Variants in MSH4 observed in about 807,000 individuals in gnomAD.
MSH4 encodes mutS homolog 4, also known as mutS protein homolog 4.
In MSH4, 106 loss-of-function variants were observed where a neutral mutation model predicts 113.7. The observed-to-expected ratio is 0.93, with a 90% CI of 0.80 to 1.10. MSH4 has a LOEUF of 1.10. Among genes scored for constraint, MSH4 ranks in the 50% least tolerant of loss-of-function variants. MSH4 has a pLI of 0.00. For synonymous variants in MSH4, 368 were observed against 380.2 expected, an observed-to-expected ratio of 0.97 and a Z score of 0.37; for missense variants, 1,061 against 1,093.7, an observed-to-expected ratio of 0.97 and a Z score of 0.42.
chr1:75,848,738 C>CA (rs754917168), intron 8 of MSH4, among the ~76,000 whole-genome samples: 40 of 150,116 alleles, frequency 2.7e-4, no homozygotes, highest in Non-Finnish European at 4.1e-4. Flanking sequence ...GGCCTTGTCA[C>CA]AAAAAAAAAT....
intron 6 of MSH4, 108 bp downstream of exon 6, chr1:75,816,654 T>G: frequency 3.0e-5 from 12 of 393,794 alleles, no homozygotes; most frequent in Non-Finnish European, 3.4e-5. Flanking sequence ...GAGATGGAGT[T>G]TTGCTCTTGT....
intron 17 of MSH4, among the ~76,000 whole-genome samples, chr1:75,892,749 C>T (rs1025946224): frequency 5.9e-5 from 9 of 151,978 alleles, no homozygotes; most frequent in African/African-American, 2.2e-4. Flanking sequence ...TGGTGAGGGC[C>T]TGCCTGTCAC....
chr1:75,876,423 G>C (rs911290244), intron 9 of MSH4, among the ~76,000 whole-genome samples: 2 of 151,854 alleles, frequency 1.3e-5, no homozygotes, highest in East Asian at 1.9e-4. Flanking sequence ...GGAGATAATG[G>C]CCAGGCTAAA....
At chr1:75,826,170 A>T (rs886987154) in intron 7 of MSH4, among the ~76,000 whole-genome samples, 1 of 152,110 alleles carries the variant, frequency 6.6e-6, no homozygotes, top group African/African-American at 2.4e-5. Context: ...CACAGATTCA[A>T]CTTCTTCCTG....
intron 8 of MSH4, among the ~76,000 whole-genome samples, chr1:75,856,744 A>G (rs1299080654): frequency 2.0e-5 from 3 of 152,172 alleles, no homozygotes; most frequent in Non-Finnish European, 4.4e-5. Context: ...GCTGCAATAA[A>G]CATACATGTA....
chr1:75,820,087 A>C (rs1315841887), intron 6 of MSH4, among the ~76,000 whole-genome samples: 1 of 142,502 alleles, frequency 7.0e-6, no homozygotes, highest in Non-Finnish European at 1.6e-5. Flanking sequence ...ACTTGTCATC[A>C]GAACAAGATC....
chr1:75,901,502 T>C (rs1457664371), intron 19 of MSH4, among the ~76,000 whole-genome samples: 1 of 152,222 alleles, frequency 6.6e-6, no homozygotes, highest in Non-Finnish European at 1.5e-5. Context: ...CTTTCTTTTT[T>C]GGCTGAATAA....
At chr1:75,817,277 G>A (rs1053500044) in intron 6 of MSH4, among the ~76,000 whole-genome samples, 6 of 152,284 alleles carry the variant, frequency 3.9e-5, no homozygotes, top group Middle Eastern at 3.4e-3. Context: ...GTAAGTACCA[G>A]AAAAGATGCT....
Position 75,816,414 on chromosome 1 carries a change from T to G in MSH4, c.857T>G (p.Val286Gly), listed in dbSNP as rs1333086306. ...LAAVAALLKY[V>G]EFIQNSVYAP... ...GCTGTTGCAGCTTTGTTAAAATATG[T>G]TGAATTTATTCAAAATTCAGTTTAT... The change falls in exon 6 of 20, where the codon GTT (valine) becomes GGT (glycine). Residue 286 changes from valine to glycine, a missense_variant. By Grantham distance (109) the Val-to-Gly change is moderately radical. Coordinates refer to ENST00000263187, the MANE Select transcript of MSH4 (RefSeq NM_002440.4). 6.2e-7 allele frequency: 1 copy of G among 1,608,530 alleles called. No individual in the cohort carries two copies. Among genetic ancestry groups the G allele is most frequent in the Non-Finnish European group, 8.5e-7 (1 of 1,176,694 alleles).
At chr1:75,871,841 C>G (rs2100564905) in intron 9 of MSH4, among the ~76,000 whole-genome samples, 1 of 152,258 alleles carries the variant, frequency 6.6e-6, no homozygotes, top group South Asian at 2.1e-4. Flanking sequence ...TAGAGTAGAA[C>G]TGCAGTAATT....
At chr1:75,870,314 A>C (rs1251718342) in intron 9 of MSH4, among the ~76,000 whole-genome samples, 1 of 152,208 alleles carries the variant, frequency 6.6e-6, no homozygotes, top group Non-Finnish European at 1.5e-5. Context: ...GCCTTGTCTC[A>C]GATGAGATTT....
intron 8 of MSH4, among the ~76,000 whole-genome samples, chr1:75,856,046 G>T (rs1651308725): frequency 6.6e-6 from 1 of 152,034 alleles, no homozygotes; most frequent in African/African-American, 2.4e-5. Flanking sequence ...ACAATTTCTG[G>T]TTAAATTAGG....
intron 2 of MSH4, 136 bp from the exon 3 acceptor site, chr1:75,806,845 A>G: frequency 1.4e-6 from 1 of 696,550 alleles, no homozygotes; most frequent in Non-Finnish European, 2.2e-6. Flanking sequence ...CTTTAGGGAG[A>G]ATTGAAATAA....
Position 75,815,086 on chromosome 1 carries a change from A to G in MSH4, c.765A>G (p.Glu255=). ...AAACAAAAGGATTAGAGTACATTGA[A>G]CAGTTATGCATAGCAGAATTCAGCA... The part of the protein sequence containing the change: ...FNETKGLEYI[E]QLCIAEFSTV... The change falls in exon 5 of 20, where the codon GAA becomes GAG. Residue 255 remains glutamate (E), a synonymous_variant. Transcript: ENST00000263187. 1 of 1,607,862 alleles carries G rather than the reference A, an allele frequency of 6.2e-7. No individual in the cohort carries two copies. The highest frequency in any genetic ancestry group is 8.5e-7 in the Non-Finnish European group (1 of 1,176,772).
chr1:75,815,197 A>G, intron 5 of MSH4, 61 bp downstream of exon 5: 1 of 886,538 alleles, frequency 1.1e-6, no homozygotes, highest in South Asian at 1.9e-5. Context: ...ATATCAAGTA[A>G]GTTATAACTT....
In MSH4 at chr1:75,803,759, T is replaced by C. The variant is rs770480037; in HGVS notation, c.273T>C (p.Tyr91=). The C allele has an allele frequency of 1.3e-6, 2 of 1,589,300 alleles. No homozygotes were observed. The highest frequency in any genetic ancestry group is 2.7e-5 in the African/African-American group (2 of 73,458). ...CATACTTTGGAAACAAAAGAGCTTA[T>C]GCAGAAAACACAGTTGCATCAAATT... The part of the protein sequence containing the change: ...QGSYFGNKRA[Y]AENTVASNFT... Residue 91 remains tyrosine, a synonymous_variant, in exon 2 of 20, where the codon TAT becomes TAC. Transcript: ENST00000263187.
chr1:75,897,804 CTACT>C (rs1557529971), intron 17 of MSH4, 99 bp from the exon 18 acceptor site: 1 of 626,148 alleles, frequency 1.6e-6, no homozygotes, highest in African/African-American at 1.9e-5. Flanking sequence ...CTCTGCCAAG[CTACT>C]TAGAAAATTA....
At chr1:75,817,828 C>T (rs1650324569) in intron 6 of MSH4, among the ~76,000 whole-genome samples, 1 of 151,136 alleles carries the variant, frequency 6.6e-6, no homozygotes, top group African/African-American at 2.4e-5. Flanking sequence ...TGGGAGACAC[C>T]CCCCCTCCCC....
rs193141729 is a variant in MSH4, at chr1:75,802,855, G to T, written c.245-876G>T. ...GTCAAAGGAGGCACATTTAGTGAGG[G>T]TCTTTGTGCTGGTGGAGTCTCTGTA... On this transcript the variant is annotated intron_variant, in intron 1 of 19. Transcript: ENST00000263187. 1.1e-4 allele frequency among the ~76,000 whole-genome samples: 16 copies of T among 152,264 alleles called. No individual in the cohort carries two copies. The East Asian group carries it at 1.4e-3, about 13-fold the overall frequency.
Sources: allele counts gnomAD v4.1 joint callset (sites outside exome capture counted in the v4.1 genomes callset), GRCh38; gene constraint gnomAD v4.1.1; transcripts MANE v1.5; gene names NCBI Gene and HGNC (gene_info 2026-07-23, HGNC 2026-07-21).